PCDH7: variants seen among roughly 807,000 people sequenced by gnomAD.
The protein encoded by PCDH7 is protocadherin-7.
Under a neutral mutation model 58.9 loss-of-function variants are expected in PCDH7, and 17 were observed. The ratio of observed to expected loss-of-function variants is 0.29; its 90% CI spans 0.20 to 0.43. PCDH7 has a LOEUF of 0.43. Ranked by LOEUF, PCDH7 falls within the 20% of genes least tolerant of loss-of-function variation. PCDH7 has a pLI of 1.00. For missense variants in PCDH7, 1,274 were observed against 1,441.0 expected, an observed-to-expected ratio of 0.88 and a Z score of 1.88; for synonymous variants, 664 against 616.4, an observed-to-expected ratio of 1.08 and a Z score of -1.14.
intron 1 of PCDH7, among the ~76,000 whole-genome samples, chr4:30,889,137 C>CAAAAAAAAAAAAAAAAA (rs371917620): frequency 1.2e-3 from 62 of 49,906 alleles, no homozygotes; most frequent in Middle Eastern, 0.012. Context: ...GCAGATATCT[C>CAAAAAAAAAAAAAAAAA]AAAAAAAAAA....
intron 3 of PCDH7, among the ~76,000 whole-genome samples, chr4:31,127,685 T>C (rs1007071729): frequency 5.9e-5 from 9 of 152,132 alleles, no homozygotes; most frequent in African/African-American, 2.2e-4. Context: ...AAGTGGTTGT[T>C]GAGGATGTAA....
intron 1 of PCDH7, among the ~76,000 whole-genome samples, chr4:30,804,524 C>A (rs540544341): frequency 1.8e-4 from 25 of 141,322 alleles, no homozygotes; most frequent in African/African-American, 6.3e-4. Flanking sequence ...GGCAACAGAG[C>A]AAGACTATCT....
chr4:31,145,078 T>A (rs1321581675), downstream of PCDH7: 2 of 152,066 alleles, frequency 1.3e-5, no homozygotes, highest in Non-Finnish European at 2.9e-5. Flanking sequence ...TGCATTTCTT[T>A]CTTTCATGAG....
intron 1 of PCDH7, among the ~76,000 whole-genome samples, chr4:30,772,180 T>C (rs749250939): frequency 2.6e-5 from 4 of 152,168 alleles, no homozygotes; most frequent in Non-Finnish European, 5.9e-5. Context: ...ATGGGTCACC[T>C]TTTCTTGTAC....
chr4:30,981,493 AT>A (rs1208759578), intron 3 of PCDH7, among the ~76,000 whole-genome samples: 1 of 152,226 alleles, frequency 6.6e-6, no homozygotes, highest in Non-Finnish European at 1.5e-5. Context: ...TTTTCATAAT[AT>A]TACTCTCTCA....
At chr4:30,901,149 A>T (rs920830899) in intron 1 of PCDH7, among the ~76,000 whole-genome samples, 1 of 152,194 alleles carries the variant, frequency 6.6e-6, no homozygotes. Flanking sequence ...GAGTAAATAA[A>T]GTGAATGAGA....
At chr4:30,787,457 G>A (rs1723556032) in intron 1 of PCDH7, among the ~76,000 whole-genome samples, 1 of 152,036 alleles carries the variant, frequency 6.6e-6, no homozygotes, top group Non-Finnish European at 1.5e-5. Context: ...TATTACACTT[G>A]TTGAAACATA....
chr4:30,906,967 G>A lies in PCDH7; in HGVS notation c.71-13186G>A, dbSNP rs138441640. 6.8e-4 allele frequency among the ~76,000 whole-genome samples: 104 copies of A among 152,258 alleles called. 2 individuals are homozygous for A. In the East Asian group the frequency reaches 0.02, roughly 29 times the overall value. ...GAACCTAGGAGGTGGAGGTTGCAGTGACCCAAGATCATGCCACTGCACTCT... is the reference window on the plus strand; with the variant it reads ...GAACCTAGGAGGTGGAGGTTGCAGTAACCCAAGATCATGCCACTGCACTCT... On this transcript the variant is annotated intron_variant, in intron 1 of 3. Coordinates refer to the PCDH7 transcript ENST00000509759.
intron 1 of PCDH7, among the ~76,000 whole-genome samples, chr4:30,860,277 A>C (rs912357787): frequency 6.6e-6 from 1 of 152,142 alleles, no homozygotes; most frequent in Non-Finnish European, 1.5e-5. Flanking sequence ...TAAAAAGGAG[A>C]GTTTCCTAAG....
chr4:31,111,861 A>G (rs537930481), intron 3 of PCDH7, among the ~76,000 whole-genome samples: 2 of 152,320 alleles, frequency 1.3e-5, no homozygotes, highest in African/African-American at 4.8e-5. Context: ...TTAGTATGTC[A>G]TAGTCTCTGA....
intron 3 of PCDH7, among the ~76,000 whole-genome samples, chr4:31,139,944 C>A (rs977629631): frequency 6.6e-6 from 1 of 152,146 alleles, no homozygotes; most frequent in East Asian, 1.9e-4. Flanking sequence ...AGAGATGTGG[C>A]AGCTTGCATG....
chr4:31,065,023 T>TA (rs1166907055), intron 3 of PCDH7, among the ~76,000 whole-genome samples: 2 of 151,988 alleles, frequency 1.3e-5, no homozygotes, highest in African/African-American at 4.8e-5. Flanking sequence ...GTAAAAAAGT[T>TA]AAAGAGTTTT....
At chr4:31,092,857 C>G (rs1383988337) in intron 3 of PCDH7, among the ~76,000 whole-genome samples, 1 of 152,042 alleles carries the variant, frequency 6.6e-6, no homozygotes, top group Non-Finnish European at 1.5e-5. Context: ...ATTTCTATGA[C>G]TGGATGGAAA....
At chr4:30,993,045 C>T (rs371727763) in intron 3 of PCDH7, among the ~76,000 whole-genome samples, 121 of 152,142 alleles carry the variant, frequency 8.0e-4, no homozygotes, top group South Asian at 2.1e-4. Flanking sequence ...GTGATCTGCC[C>T]GTCTTGGCCT....
At chr4:31,114,865 A>G (rs182247304) in intron 3 of PCDH7, among the ~76,000 whole-genome samples, 43 of 152,326 alleles carry the variant, frequency 2.8e-4, no homozygotes, top group Admixed American at 2.7e-3. Context: ...AAATTGTTAT[A>G]TGGCATTCTA....
At chr4:30,800,279 T>C (rs1344914702) in intron 1 of PCDH7, among the ~76,000 whole-genome samples, 1 of 152,138 alleles carries the variant, frequency 6.6e-6, no homozygotes, top group Non-Finnish European at 1.5e-5. Context: ...ATAAAAATAC[T>C]AGATTATTTT....
At chr4:30,925,525 T>C (rs1441353258) in intron 2 of PCDH7, among the ~76,000 whole-genome samples, 2 of 152,224 alleles carry the variant, frequency 1.3e-5, no homozygotes, top group African/African-American at 4.8e-5. Context: ...TCATACCTTT[T>C]TTCGTCTTCT....
Position 30,817,186 on chromosome 4 carries a change from T to G in PCDH7, c.70+92590T>G, listed in dbSNP as rs146385948. The stretch of plus-strand genomic sequence containing the variant: ...AAACCTGATTTAAATAGATGCAAGA[T>G]ATTTACTTGCTATGGGACCTTAAGC... On this transcript the variant is annotated intron_variant, in intron 1 of 3. Coordinates refer to the PCDH7 transcript ENST00000509759. Among the ~76,000 whole-genome samples, 962 of 152,294 alleles carry G rather than the reference T, an allele frequency of 6.3e-3. 12 individuals are homozygous for G. Among genetic ancestry groups the G allele is most frequent in the African/African-American group, 0.022 (896 of 41,564 alleles).
At chr4:30,903,401 A>G (rs1740484857) in intron 1 of PCDH7, among the ~76,000 whole-genome samples, 1 of 151,920 alleles carries the variant, frequency 6.6e-6, no homozygotes, top group South Asian at 2.1e-4. Context: ...ATTATCAGTT[A>G]TTTTTTATTC....
Sources: gnomAD v4.1 joint callset for allele counts (sites outside exome capture counted in the v4.1 genomes callset) on GRCh38, gnomAD v4.1.1 for gene constraint, MANE v1.5 for transcripts, NCBI Gene and HGNC (gene_info 2026-07-23, HGNC 2026-07-21) for gene names.